The following DEPDC1B variants were observed in gnomAD, a reference collection of about 807,000 sequenced individuals.
DEPDC1B encodes the protein DEP domain-containing protein 1B.
Under a neutral mutation model 66.5 loss-of-function variants are expected in DEPDC1B, and 51 were observed. The observed-to-expected ratio is 0.77, with a 90% CI of 0.61 to 0.97. The LOEUF (loss-of-function observed/expected upper bound fraction) is 0.97, where lower values mean the gene tolerates loss of function less well. DEPDC1B is among the 50% of genes least tolerant of loss of function. The pLI, the probability that DEPDC1B is intolerant of heterozygous loss-of-function variation, is 0.00. For missense variants in DEPDC1B, 552 were observed against 637.1 expected, an observed-to-expected ratio of 0.87 and a Z score of 1.44; for synonymous variants, 226 against 223.6, an observed-to-expected ratio of 1.01 and a Z score of -0.10.
intron 3 of DEPDC1B, among the ~76,000 whole-genome samples, chr5:60,645,890 G>C (rs530461637): frequency 6.6e-4 from 100 of 152,266 alleles, no homozygotes; most frequent in African/African-American, 2.3e-3. Flanking sequence ...GCATTAACTA[G>C]CTAATTTTTC....
chr5:60,685,998 T>C (rs1253403748), intron 2 of DEPDC1B, among the ~76,000 whole-genome samples: 3 of 152,224 alleles, frequency 2.0e-5, no homozygotes, highest in African/African-American at 4.8e-5. Flanking sequence ...TAGATCCTAA[T>C]GCACAGCAAT....
chr5:60,615,802 C>A (rs1044237928), intron 7 of DEPDC1B, among the ~76,000 whole-genome samples: 1 of 152,180 alleles, frequency 6.6e-6, no homozygotes, highest in Non-Finnish European at 1.5e-5. Context: ...TAGTGGTTCT[C>A]CCAGCACGCA....
chr5:60,613,826 G>GTATA (rs141005597), intron 7 of DEPDC1B, among the ~76,000 whole-genome samples: 11 of 92,298 alleles, frequency 1.2e-4, no homozygotes, highest in East Asian at 1.1e-3. Context: ...GTGTGTGTGT[G>GTATA]TGTATACATA....
At chr5:60,643,738 T>C (rs1753243709) in intron 5 of DEPDC1B, among the ~76,000 whole-genome samples, 1 of 152,252 alleles carries the variant, frequency 6.6e-6, no homozygotes, top group African/African-American at 2.4e-5. Flanking sequence ...CTTCATTCTA[T>C]GGAACTTAAT....
intron 7 of DEPDC1B, among the ~76,000 whole-genome samples, chr5:60,633,368 T>A (rs1410092976): frequency 2.6e-5 from 4 of 152,182 alleles, no homozygotes; most frequent in Non-Finnish European, 4.4e-5. Context: ...TCTGCAAGAC[T>A]CTCTCTCTAC....
intron 9 of DEPDC1B, among the ~76,000 whole-genome samples, chr5:60,601,500 G>A (rs931432104): frequency 6.6e-6 from 1 of 152,276 alleles, no homozygotes; most frequent in East Asian, 1.9e-4. Context: ...CTTAAAATAT[G>A]TTCATGGCCT....
rs1317110002 is a variant in DEPDC1B at position 60,620,289 on chromosome 5, A to G, written c.899-14433T>C. ...GCAACAAAAGCCAAAATTGACAAAC[A>G]GGATCTAATTAAACTAAAGAGCTTC... On this transcript the variant is annotated intron_variant, in intron 7 of 10. Coordinates refer to ENST00000265036, the MANE Select transcript of DEPDC1B (RefSeq NM_018369.3). 5.9e-5 allele frequency among the ~76,000 whole-genome samples: 9 copies of G among 152,318 alleles called. No homozygotes were observed. In the South Asian group the frequency reaches 1.7e-3, roughly 28 times the overall value.
Position 60,629,050 on chromosome 5 carries a change from C to T in DEPDC1B, c.898+9700G>A, listed in dbSNP as rs144718142. Among the ~76,000 whole-genome samples the T allele has an allele frequency of 3.0e-4, 46 of 152,222 alleles. 1 individual carries two copies. The highest frequency in any genetic ancestry group is 1.1e-3 in the African/African-American group (44 of 41,522). ...TGGCAGCTCTGGGATGACTTGGGGC[C>T]GGCCCTGTCCTGGGGTAAAAACAGC... On this transcript the variant is annotated intron_variant, in intron 7 of 10. Transcript: ENST00000265036.
intron 2 of DEPDC1B, among the ~76,000 whole-genome samples, chr5:60,679,829 AC>A (rs1199096341): frequency 6.6e-6 from 1 of 152,238 alleles, no homozygotes; most frequent in Non-Finnish European, 1.5e-5. Flanking sequence ...ATCATAATAT[AC>A]ATTTTTATTT....
chr5:60,676,467 C>T (rs781089997), intron 2 of DEPDC1B, among the ~76,000 whole-genome samples: 30 of 152,100 alleles, frequency 2.0e-4, no homozygotes, highest in Admixed American at 1.0e-3. Flanking sequence ...CACTATGCCT[C>T]GCTTTAATAA....
rs886296186 is a variant in DEPDC1B, at chr5:60,688,114, G to A, written c.49-887C>T. ...GTGAAAGGCATTGTAGGAGGAGGAG[G>A]AAAAGAGATGAAAAAGATAATACAG... On this transcript the variant is annotated intron_variant, in intron 1 of 10. Coordinates refer to ENST00000265036, the MANE Select transcript of DEPDC1B (RefSeq NM_018369.3). Among the ~76,000 whole-genome samples, 11 of 151,984 alleles carry A rather than the reference G, an allele frequency of 7.2e-5. No individual in the cohort carries two copies. The South Asian group carries it at 1.5e-3, about 20-fold the overall frequency.
At chr5:60,612,525 G>C (rs1411843725) in intron 7 of DEPDC1B, among the ~76,000 whole-genome samples, 1 of 109,578 alleles carries the variant, frequency 9.1e-6, no homozygotes, top group Non-Finnish European at 1.8e-5. Flanking sequence ...GTTGAGATCT[G>C]CTCAAAAAAA....
intron 2 of DEPDC1B, among the ~76,000 whole-genome samples, chr5:60,673,100 G>T (rs907091146): frequency 6.6e-6 from 1 of 152,036 alleles, no homozygotes; most frequent in African/African-American, 2.4e-5. Context: ...TGTTTACTGG[G>T]TTCCCGCGCC....
In DEPDC1B at chr5:60,678,706, T is replaced by C. The variant is rs547983524; in HGVS notation, c.314+8256A>G. On this transcript the variant is annotated intron_variant, in intron 2 of 10. Coordinates refer to ENST00000265036, the MANE Select transcript of DEPDC1B (RefSeq NM_018369.3). ...TGCTAACTGCATACTTTTGGTGATA[T>C]GTCTTTTCAAGTCTTTTGCTCATTT... 7.9e-5 allele frequency among the ~76,000 whole-genome samples: 12 copies of C among 152,362 alleles called. No homozygotes were observed. In the South Asian group the frequency reaches 1.4e-3, roughly 18 times the overall value.
At chr5:60,688,876 GT>G (rs1754482706) in intron 1 of DEPDC1B, 1 of 340,164 alleles carries the variant, frequency 2.9e-6, no homozygotes, top group African/African-American at 2.1e-5. Context: ...ATCCACGTCA[GT>G]TAAGTCCAGG....
At chr5:60,664,198 G>A (rs1753785417) in intron 2 of DEPDC1B, among the ~76,000 whole-genome samples, 3 of 152,194 alleles carry the variant, frequency 2.0e-5, no homozygotes, top group Admixed American at 1.3e-4. Flanking sequence ...AACAGGAATA[G>A]CTCTAGGAGT....
At chr5:60,644,677 G>A in intron 5 of DEPDC1B, 68 bp downstream of exon 5, 1 of 1,360,184 alleles carries the variant, frequency 7.4e-7, no homozygotes, top group Non-Finnish European at 9.9e-7. Context: ...GGGTCAGAAA[G>A]GAGCTGATGG....
chr5:60,646,472 A>G (rs1205403585), intron 3 of DEPDC1B, among the ~76,000 whole-genome samples: 1 of 152,220 alleles, frequency 6.6e-6, no homozygotes, highest in Non-Finnish European at 1.5e-5. Flanking sequence ...AAACCTGCTC[A>G]GTCTGAACAT....
At chr5:60,699,989 C>T (rs1754748282) in intron 1 of DEPDC1B, 57 bp downstream of exon 1, 2 of 1,541,210 alleles carry the variant, frequency 1.3e-6, no homozygotes, top group Non-Finnish European at 1.7e-6. Flanking sequence ...TGTCCGCGCG[C>T]TGAGTGGGGG....
Sources: allele counts gnomAD v4.1 joint callset (sites outside exome capture counted in the v4.1 genomes callset), GRCh38; gene constraint gnomAD v4.1.1; transcripts MANE v1.5; gene names NCBI Gene and HGNC (gene_info 2026-07-23, HGNC 2026-07-21).